Variants in PPARGC1A observed in about 807,000 individuals in gnomAD.
The protein encoded by PPARGC1A is PPARG coactivator 1 alpha, also known as peroxisome proliferator-activated receptor gamma coactivator 1-alpha.
PPARGC1A carries 25 observed loss-of-function variants against 88.7 expected under a neutral mutation model. The ratio of observed to expected loss-of-function variants is 0.28; its 90% CI spans 0.21 to 0.39. The LOEUF is 0.39. PPARGC1A is among the 10% of genes least tolerant of loss of function. PPARGC1A has a pLI of 1.00. For synonymous variants in PPARGC1A, 363 were observed against 355.6 expected (o/e 1.02, Z -0.24); for missense variants, 880 against 968.7 (o/e 0.91, Z 1.22).
the PPARGC1A span, among the ~76,000 whole-genome samples, chr4:23,910,187 T>A: frequency 9.5e-6 from 1 of 105,352 alleles, no homozygotes; most frequent in South Asian, 2.7e-4. Flanking sequence ...TAAATATATA[T>A]AAAATATATA....
the PPARGC1A span, among the ~76,000 whole-genome samples, chr4:24,201,725 G>T: frequency 2.0e-5 from 3 of 152,080 alleles, no homozygotes; most frequent in Non-Finnish European, 4.4e-5. Context: ...TCTCTTCAAT[G>T]CATTTACCTA....
In PPARGC1A at chr4:23,841,482, A is replaced by AT. The variant is rs564755780; in HGVS notation, c.235-9732dup. ...CCTTAATTCATAGCCAAAAGAAGTC[A>AT]TTTTTTTTTTTAGAAAACACACTCA... On this transcript the variant is annotated intron_variant, in intron 2 of 12. Coordinates refer to ENST00000264867, the MANE Select transcript of PPARGC1A (RefSeq NM_013261.5). Among the ~76,000 whole-genome samples the AT allele has an allele frequency of 3.6e-3, 536 of 147,764 alleles. 4 individuals are homozygous for AT. Among genetic ancestry groups the AT allele is most frequent in the African/African-American group, 0.011 (441 of 40,600 alleles).
At chr4:24,200,061 A>G in the PPARGC1A span, among the ~76,000 whole-genome samples, 1 of 152,202 alleles carries the variant, frequency 6.6e-6, no homozygotes, top group African/African-American at 2.4e-5. Context: ...CTAGATTTGC[A>G]TTATCAACAC....
chr4:23,841,445 T>A (rs1727032188), intron 2 of PPARGC1A, among the ~76,000 whole-genome samples: 1 of 152,130 alleles, frequency 6.6e-6, no homozygotes, highest in African/African-American at 2.4e-5. Context: ...GTATATTTTA[T>A]GTATTTATAT....
At chr4:24,081,166 G>A in the PPARGC1A span, among the ~76,000 whole-genome samples, 10 of 152,240 alleles carry the variant, frequency 6.6e-5, no homozygotes, top group African/African-American at 2.2e-4. Flanking sequence ...ATGCATCTAA[G>A]AGTTTTGGTA....
At chr4:24,194,669 C>CACA in the PPARGC1A span, among the ~76,000 whole-genome samples, 4,518 of 40,194 alleles carry the variant, frequency 0.11, 171 homozygotes, top group African/African-American at 0.14. Flanking sequence ...CACACACACA[C>CACA]CCCCATCAAG....
At chr4:23,900,525 T>A (rs1192274803), upstream of PPARGC1A, among the ~76,000 whole-genome samples, 1 of 152,218 alleles carries the variant, frequency 6.6e-6, no homozygotes, top group Non-Finnish European at 1.5e-5. Context: ...GCTTGGCATA[T>A]AATAGCTACT....
chr4:24,230,950 T>TAAAAAAAA, the PPARGC1A span, among the ~76,000 whole-genome samples: 1 of 138,776 alleles, frequency 7.2e-6, no homozygotes, highest in Non-Finnish European at 1.5e-5. Flanking sequence ...CAGAATTTAT[T>TAAAAAAAA]AAAAAAAATA....
chr4:24,060,763 T>C, the PPARGC1A span, among the ~76,000 whole-genome samples: 1 of 152,224 alleles, frequency 6.6e-6, no homozygotes, highest in Non-Finnish European at 1.5e-5. Flanking sequence ...GAGGCCTTTC[T>C]TGGAAATCCT....
the PPARGC1A span, among the ~76,000 whole-genome samples, chr4:24,400,379 C>T: frequency 9.9e-5 from 15 of 152,178 alleles, no homozygotes. Flanking sequence ...CAGGCTACAT[C>T]TTTCTCCTGT....
At chr4:24,399,080 C>T in the PPARGC1A span, among the ~76,000 whole-genome samples, 1 of 152,196 alleles carries the variant, frequency 6.6e-6, no homozygotes, top group Non-Finnish European at 1.5e-5. Context: ...GGCCCAAAGC[C>T]TGGTTTCCGG....
chr4:24,084,748 A>G, the PPARGC1A span, among the ~76,000 whole-genome samples: 1 of 152,250 alleles, frequency 6.6e-6, no homozygotes, highest in Non-Finnish European at 1.5e-5. Flanking sequence ...AACAAATGAA[A>G]AAAATGAATT....
At chr4:24,244,348 T>C in the PPARGC1A span, among the ~76,000 whole-genome samples, 1 of 152,222 alleles carries the variant, frequency 6.6e-6, no homozygotes. Context: ...GGTCGGATTG[T>C]CAATTTTTGA....
At chr4:24,264,129 T>G in the PPARGC1A span, among the ~76,000 whole-genome samples, 5 of 151,878 alleles carry the variant, frequency 3.3e-5, no homozygotes, top group Non-Finnish European at 5.9e-5. Flanking sequence ...ATATAAAATA[T>G]TTATTGACTG....
At chr4:24,231,229 T>A in the PPARGC1A span, among the ~76,000 whole-genome samples, 2 of 152,134 alleles carry the variant, frequency 1.3e-5, no homozygotes, top group East Asian at 3.9e-4. Context: ...CCAAGTCCTC[T>A]CTACAGCTAT....
the PPARGC1A span, among the ~76,000 whole-genome samples, chr4:24,108,157 C>T: frequency 6.6e-6 from 1 of 152,094 alleles, no homozygotes; most frequent in African/African-American, 2.4e-5. Flanking sequence ...CTTAAAAAAG[C>T]TAAGAAGTTC....
chr4:24,165,063 T>C, the PPARGC1A span, among the ~76,000 whole-genome samples: 458 of 152,276 alleles, frequency 3.0e-3, 6 homozygotes, highest in East Asian at 0.014. Context: ...ATCTGACTCC[T>C]TTATAACTCT....
At chr4:24,307,809 T>C in the PPARGC1A span, among the ~76,000 whole-genome samples, 602 of 152,262 alleles carry the variant, frequency 4.0e-3, 5 homozygotes, top group African/African-American at 0.014. Flanking sequence ...CCCGGCTTTT[T>C]CCACTAACCT....
the PPARGC1A span, among the ~76,000 whole-genome samples, chr4:24,347,727 T>C: frequency 6.6e-6 from 1 of 152,310 alleles, no homozygotes; most frequent in South Asian, 2.1e-4. Flanking sequence ...CTGTATCTTT[T>C]AAGTGGAGCA....
Sources: allele counts gnomAD v4.1 joint callset (sites outside exome capture counted in the v4.1 genomes callset), GRCh38; gene constraint gnomAD v4.1.1; transcripts MANE v1.5; gene names NCBI Gene and HGNC (gene_info 2026-07-23, HGNC 2026-07-21).